POLE: variants seen among roughly 807,000 people sequenced by gnomAD.
POLE encodes DNA polymerase epsilon, catalytic subunit, also known as DNA polymerase epsilon catalytic subunit A.
A neutral mutation model predicts 279.2 loss-of-function variants in POLE; 188 were observed. The ratio of observed to expected loss-of-function variants is 0.67; its 90% confidence interval spans 0.60 to 0.76. POLE has a LOEUF of 0.76. Ranked by LOEUF, POLE falls within the 30% of genes least tolerant of loss-of-function variation. POLE has a pLI of 0.00. For missense variants in POLE, 2,703 were observed against 3,016.7 expected (o/e 0.90, Z 2.44); for synonymous variants, 1,214 against 1,172.5 (o/e 1.04, Z -0.72).
Position 132,643,576 on chromosome 12 carries a change from A to C in POLE, c.4291-16T>G. 1 of 1,613,858 alleles carries C rather than the reference A, an allele frequency of 6.2e-7. No homozygotes were observed. Among genetic ancestry groups the C allele is most frequent in the Non-Finnish European group, 8.5e-7 (1 of 1,179,970 alleles). Reference sequence around the variant, plus strand: ...GTAACGGAACCTGGAAGAATCGGGCAGACAGGCCGGCAAGGGCTGGATGGT... The same window carrying C: ...GTAACGGAACCTGGAAGAATCGGGCCGACAGGCCGGCAAGGGCTGGATGGT... On this transcript the variant is annotated splice_polypyrimidine_tract_variant and intron_variant, in intron 33 of 48. Transcript: ENST00000320574.
chr12:132,676,769 T>C (rs1486054342), intron 8 of POLE, 116 bp from the exon 9 acceptor site: 1 of 691,148 alleles, frequency 1.4e-6, no homozygotes, highest in Admixed American at 2.3e-5. Flanking sequence ...CAAAAGGCTC[T>C]AGAGCTGGGA....
At chr12:132,625,074 GAC>G (rs1237886897) in intron 47 of POLE, 80 bp from the exon 48 acceptor site, 3 of 1,052,068 alleles carry the variant, frequency 2.9e-6, no homozygotes, top group African/African-American at 1.6e-5. Flanking sequence ...AGGCTCGCGA[GAC>G]ACATTCGTGG....
At chr12:132,636,717 T>A (rs1236187658) in intron 41 of POLE, among the ~76,000 whole-genome samples, 1 of 152,096 alleles carries the variant, frequency 6.6e-6, no homozygotes, top group African/African-American at 2.4e-5. Flanking sequence ...ACTGCACCAC[T>A]GCACTCCAGC....
At chr12:132,660,897 G>T in intron 25 of POLE, 72 bp downstream of exon 25, 1 of 1,310,996 alleles carries the variant, frequency 7.6e-7, no homozygotes. Context: ...AGGAGCCCAG[G>T]AAGCACGGGG....
Position 132,642,744 on chromosome 12 carries a change from A to C in POLE, c.4729-15T>G, listed in dbSNP as rs1204915691. 2 of 1,613,382 alleles carry C rather than the reference A, an allele frequency of 1.2e-6. No homozygotes were observed. The highest frequency in any genetic ancestry group is 3.3e-5 in the Admixed American group (2 of 59,912). The stretch of plus-strand genomic sequence containing the variant: ...CGGCGCTCCTCCTGGGTCAAGGCAA[A>C]ATGGAAGAAAAGACCTGGGTGGACC... On this transcript the variant is annotated splice_polypyrimidine_tract_variant and intron_variant, in intron 36 of 48. Coordinates refer to ENST00000320574, the MANE Select transcript of POLE (RefSeq NM_006231.4).
At chr12:132,670,485 G>A (rs1457258293) in intron 16 of POLE, among the ~76,000 whole-genome samples, 2 of 150,716 alleles carry the variant, frequency 1.3e-5, no homozygotes, top group Non-Finnish European at 3.0e-5. Flanking sequence ...CTGACCTCAG[G>A]TGATCCACCC....
At chr12:132,650,466 T>C (rs2042397572) in intron 29 of POLE, 1 of 153,886 alleles carries the variant, frequency 6.5e-6, no homozygotes, top group African/African-American at 2.4e-5. Context: ...AATAGAAAAA[T>C]TAGCTGGGTG....
At chr12:132,657,757 A>T in intron 27 of POLE, 111 bp downstream of exon 27, 1 of 790,996 alleles carries the variant, frequency 1.3e-6, no homozygotes, top group East Asian at 2.4e-5. Flanking sequence ...AGAAAGGAGG[A>T]AGTCAAGAGT....
Position 132,664,478 on chromosome 12 carries a change from A to T in POLE, c.2469-16T>A. 6.2e-7 allele frequency: 1 copy of T among 1,607,266 alleles called. No homozygotes were observed. Among genetic ancestry groups the T allele is most frequent in the Non-Finnish European group, 8.5e-7 (1 of 1,174,124 alleles). The stretch of plus-strand genomic sequence containing the variant: ...CCAGCGAGCCCTGAGAGGACACCAC[A>T]AACTGGTGGGTGGGGCTGGCATGGC... On this transcript the variant is annotated splice_polypyrimidine_tract_variant and intron_variant, in intron 21 of 48. Transcript: ENST00000320574. This position sits in a 1 kb window ranked among gnomAD's most constrained non-coding sequence, Gnocchi z 5.3.
At chr12:132,656,031 A>T (rs891586473) in intron 29 of POLE, among the ~76,000 whole-genome samples, 2 of 152,126 alleles carry the variant, frequency 1.3e-5, no homozygotes, top group Admixed American at 6.6e-5. Context: ...AAAAAAATAA[A>T]AATTAGCTAG....
At chr12:132,645,143 G>T (rs1593739748) in intron 32 of POLE, among the ~76,000 whole-genome samples, 1 of 90,372 alleles carries the variant, frequency 1.1e-5, no homozygotes, top group Non-Finnish European at 2.2e-5. Flanking sequence ...CTGGAGAGGG[G>T]GCACCCTAGC....
At position 132,634,083 on chromosome 12, in the gene POLE, AT is replaced by A; in HGVS notation, c.6004+102del. 1.8e-6 allele frequency: 2 copies of A among 1,100,962 alleles called. No individual in the cohort carries two copies. Among genetic ancestry groups the A allele is most frequent in the Non-Finnish European group, 2.6e-6 (2 of 756,742 alleles). The allele number at this position is 1,100,962 out of a possible 1,614,324, so 68.2% of individuals were successfully genotyped here. Reference sequence around the variant, plus strand: ...TGCTGGGCAGGCTCCGCCCGATCTGATTTTCCCTGTCTCCCTTCTTGCGATA... The same window carrying A: ...TGCTGGGCAGGCTCCGCCCGATCTGATTTCCCTGTCTCCCTTCTTGCGATA... On this transcript the variant is annotated intron_variant, in intron 43 of 48. Transcript: ENST00000320574. The surrounding 1 kb of genome is among the most constrained non-coding windows in gnomAD (Gnocchi z 4.0).
At chr12:132,648,124 C>T (rs1488931919) in intron 32 of POLE, among the ~76,000 whole-genome samples, 1 of 152,166 alleles carries the variant, frequency 6.6e-6, no homozygotes, top group African/African-American at 2.4e-5. Flanking sequence ...AGAGCCTCAG[C>T]GCACTCATGG....
Position 132,638,057 on chromosome 12 carries a change from G to A in POLE, c.5635C>T (p.Arg1879Cys), listed in dbSNP as rs767012802. 9.3e-6 allele frequency: 15 copies of A among 1,613,902 alleles called. No individual in the cohort carries two copies. Among genetic ancestry groups the A allele is most frequent in the Middle Eastern group, 1.6e-4 (1 of 6,084 alleles). ...ACGTAAGCGATGGCATCTTCCACAC[G>A]GCGCTTCTTTGTACAGAGGATGATG... is the stretch of plus-strand genomic sequence containing the variant. Reference protein sequence around the residue: ...NRIILCTKKRRVEDAIAYVEY... With the variant: ...NRIILCTKKRCVEDAIAYVEY... The change falls in exon 41 of 49, where the codon CGT becomes TGT. Residue 1879 changes from arginine to cysteine, a missense_variant. Around this residue, in one of 5 missense-constraint regions of POLE, gnomAD observed 1,551 missense variants for 1,686.1 expected, o/e 0.92. Coordinates refer to ENST00000320574, the MANE Select transcript of POLE (RefSeq NM_006231.4).
intron 46 of POLE, 111 bp from the exon 47 acceptor site, chr12:132,625,881 G>A: frequency 7.0e-7 from 1 of 1,429,124 alleles, no homozygotes; most frequent in South Asian, 1.3e-5. Flanking sequence ...TGACGGGCGA[G>A]TCTCCTGAGT....
intron 6 of POLE, 86 bp downstream of exon 6, chr12:132,679,411 G>A: frequency 2.3e-6 from 3 of 1,330,116 alleles, no homozygotes; most frequent in African/African-American, 1.5e-5. Context: ...CAGCCATTAA[G>A]GTAACTTTGT....
chr12:132,674,148 C>T (rs5744769), intron 12 of POLE, among the ~76,000 whole-genome samples: 1 of 151,642 alleles, frequency 6.6e-6, no homozygotes, highest in Non-Finnish European at 1.5e-5. Flanking sequence ...TGATCAGATG[C>T]CAAGAAGAAT....
chr12:132,672,161 C>A (rs2135989663), intron 16 of POLE, 54 bp downstream of exon 16: 1 of 1,220,460 alleles, frequency 8.2e-7, no homozygotes, highest in South Asian at 1.2e-5. Flanking sequence ...AAGACGTGGT[C>A]TGTGAAGAAG....
rs755584626 is a variant in POLE, at chr12:132,634,413, C to T, written c.5812-35G>A. ...ATGAGACAACGCGGCTGTGTTTGCA[C>T]CATCGCGGCCTGGTAGAGGGGTAGG... On this transcript the variant is annotated intron_variant, in intron 42 of 48. Transcript: ENST00000320574. This position sits in a 1 kb window ranked among gnomAD's most constrained non-coding sequence, Gnocchi z 4.0. 1.0e-5 allele frequency: 16 copies of T among 1,587,536 alleles called. No individual in the cohort carries two copies. The highest frequency in any genetic ancestry group is 1.4e-5 in the Non-Finnish European group (16 of 1,161,356).
Sources: allele counts gnomAD v4.1 joint callset (sites outside exome capture counted in the v4.1 genomes callset), GRCh38; gene constraint gnomAD v4.1.1; regional missense constraint gnomAD v4.1.1; non-coding constraint Gnocchi (gnomAD v3.1); transcripts MANE v1.5; gene names NCBI Gene and HGNC (gene_info 2026-07-23, HGNC 2026-07-21).